SYN3: variants seen among roughly 807,000 people sequenced by gnomAD.
SYN3 encodes the protein synapsin-3.
A neutral mutation model predicts 65.8 loss-of-function variants in SYN3; 35 were observed. That is an observed-to-expected ratio of 0.53 (90% CI 0.41 to 0.70). The LOEUF (loss-of-function observed/expected upper bound fraction) is 0.70, where lower values mean the gene tolerates loss of function less well. Among genes scored for constraint, SYN3 ranks in the 30% least tolerant of loss-of-function variants. The pLI, the probability that SYN3 is intolerant of heterozygous loss-of-function variation, is 0.00. For missense variants in SYN3, 680 were observed against 749.0 expected, an observed-to-expected ratio of 0.91 and a Z score of 1.08; for synonymous variants, 270 against 292.9, an observed-to-expected ratio of 0.92 and a Z score of 0.80.
chr22:32,944,666 T>A (rs2051049678), intron 3 of SYN3, among the ~76,000 whole-genome samples: 1 of 152,196 alleles, frequency 6.6e-6, no homozygotes, highest in African/African-American at 2.4e-5. Context: ...CCACTCCTAT[T>A]CAACACAGTG....
intron 6 of SYN3, among the ~76,000 whole-genome samples, chr22:32,814,051 A>G (rs1226634669): frequency 1.3e-5 from 2 of 151,374 alleles, no homozygotes; most frequent in Non-Finnish European, 2.9e-5. Context: ...TAAAAGTATC[A>G]TGAATGAATA....
At chr22:32,738,106 C>A (rs949937633) in intron 6 of SYN3, among the ~76,000 whole-genome samples, 1 of 152,190 alleles carries the variant, frequency 6.6e-6, no homozygotes, top group Non-Finnish European at 1.5e-5. Context: ...TTAACGTTGA[C>A]CCCGTACCAA....
intron 6 of SYN3, among the ~76,000 whole-genome samples, chr22:32,670,950 A>T (rs1019603563): frequency 1.3e-5 from 2 of 152,234 alleles, no homozygotes; most frequent in Non-Finnish European, 2.9e-5. Context: ...GTGTTCAGGA[A>T]TAGCAAGAGC....
intron 6 of SYN3, among the ~76,000 whole-genome samples, chr22:32,693,916 T>C (rs2060701935): frequency 6.6e-6 from 1 of 152,290 alleles, no homozygotes; most frequent in South Asian, 2.1e-4. Flanking sequence ...ATCTTTATTT[T>C]TGTAGAAATG....
chr22:32,653,994 A>C (rs985754385), intron 6 of SYN3, among the ~76,000 whole-genome samples: 3 of 152,148 alleles, frequency 2.0e-5, no homozygotes, highest in Non-Finnish European at 4.4e-5. Context: ...CCTTGACCCC[A>C]ACACGTTCTC....
chr22:32,855,797 A>AG (rs2048346761), intron 6 of SYN3, among the ~76,000 whole-genome samples: 1 of 152,158 alleles, frequency 6.6e-6, no homozygotes, highest in African/African-American at 2.4e-5. Context: ...AATATTTCCT[A>AG]GGGGGGCAAA....
chr22:32,729,092 G>A (rs1182320234), intron 6 of SYN3, among the ~76,000 whole-genome samples: 1 of 152,166 alleles, frequency 6.6e-6, no homozygotes, highest in Admixed American at 6.5e-5. Context: ...TCTGAACTCT[G>A]TCTGAAGTTG....
intron 2 of SYN3, among the ~76,000 whole-genome samples, chr22:32,989,605 C>A (rs1232203809): frequency 1.3e-5 from 2 of 152,012 alleles, no homozygotes; most frequent in Non-Finnish European, 2.9e-5. Context: ...GAGGCCGAGG[C>A]GGGTGGATCA....
intron 1 of SYN3, among the ~76,000 whole-genome samples, chr22:33,045,789 G>A (rs2054053603): frequency 6.6e-6 from 1 of 151,658 alleles, no homozygotes; most frequent in Admixed American, 6.6e-5. Context: ...TCACCCCAAG[G>A]ACCTTAGTCT....
At chr22:32,533,990 G>A in intron 9 of SYN3, 95 bp from the exon 10 acceptor site, 1 of 753,958 alleles carries the variant, frequency 1.3e-6, no homozygotes, top group Non-Finnish European at 2.3e-6. Flanking sequence ...AACAGGCAGG[G>A]AGGGACAGTG....
chr22:33,011,035 C>A (rs2053337972), intron 1 of SYN3, among the ~76,000 whole-genome samples: 1 of 152,106 alleles, frequency 6.6e-6, no homozygotes, highest in African/African-American at 2.4e-5. Flanking sequence ...AAATAGAGAT[C>A]TTTACTTCTT....
At chr22:32,936,490 A>AAAAC (rs3071392) in intron 3 of SYN3, among the ~76,000 whole-genome samples, 38,182 of 151,556 alleles carry the variant, frequency 0.25, 4,956 homozygotes, top group Middle Eastern at 0.28. Context: ...GAGAAAAAAT[A>AAAAC]AAACAAACAA....
intron 2 of SYN3, among the ~76,000 whole-genome samples, chr22:32,989,147 G>A (rs1014850861): frequency 1.8e-4 from 27 of 152,176 alleles, no homozygotes; most frequent in African/African-American, 6.5e-4. Flanking sequence ...CACTAGCCTT[G>A]GAGACAAGCC....
Position 32,596,719 on chromosome 22 carries a change from G to T in SYN3, c.729C>A (p.Phe243Leu). 1 of 1,614,040 alleles carries T rather than the reference G, an allele frequency of 6.2e-7. No individual in the cohort carries two copies. The highest frequency in any genetic ancestry group is 1.3e-5 in the African/African-American group (1 of 75,018). Residue 243 changes from phenylalanine to leucine, a missense_variant, in exon 7 of 14, where the codon TTC becomes TTA. By Grantham distance (22) the Phe-to-Leu change is conservative. Transcript: ENST00000358763. ...NHKPMVTAPH[F>L]PVVVKLGHAH... is the part of the protein sequence containing the mutation. ...CATGTCCCAGCTTGACTACCACCGGGAAGTGTGGGGCTGTGACCTGAAAGA... is the reference window on the plus strand; with the variant it reads ...CATGTCCCAGCTTGACTACCACCGGTAAGTGTGGGGCTGTGACCTGAAAGA...
At chr22:32,836,573 A>T (rs999285435) in intron 6 of SYN3, among the ~76,000 whole-genome samples, 1 of 152,180 alleles carries the variant, frequency 6.6e-6, no homozygotes, top group African/African-American at 2.4e-5. Context: ...AGTGCTATTG[A>T]TTCCTGATAA....
At chr22:32,699,824 C>CCT (rs1312700564) in intron 6 of SYN3, among the ~76,000 whole-genome samples, 1 of 152,062 alleles carries the variant, frequency 6.6e-6, no homozygotes, top group Non-Finnish European at 1.5e-5. Flanking sequence ...TCAGAGTCTA[C>CCT]CTCTCATCTC....
At chr22:32,690,930 G>A (rs2060653532) in intron 6 of SYN3, among the ~76,000 whole-genome samples, 1 of 152,222 alleles carries the variant, frequency 6.6e-6, no homozygotes, top group Admixed American at 6.5e-5. Flanking sequence ...TGGACTGGTA[G>A]GAAAGAGGAG....
intron 4 of SYN3, among the ~76,000 whole-genome samples, chr22:32,900,987 T>C (rs1357827362): frequency 2.6e-5 from 4 of 152,250 alleles, no homozygotes; most frequent in Non-Finnish European, 5.9e-5. Context: ...AGCATACAGG[T>C]AGCACTCATA....
chr22:33,057,705 A>G (rs769753945), intron 1 of SYN3: 1 of 152,278 alleles, frequency 6.6e-6, no homozygotes, highest in Non-Finnish European at 1.5e-5. Context: ...CACTCAGAAA[A>G]AGCCAAGTAA....
Sources: allele counts gnomAD v4.1 joint callset (sites outside exome capture counted in the v4.1 genomes callset), GRCh38; gene constraint gnomAD v4.1.1; transcripts MANE v1.5; gene names NCBI Gene and HGNC (gene_info 2026-07-23, HGNC 2026-07-21).